YAF2: variants seen among roughly 807,000 people sequenced by gnomAD.
YAF2 encodes the protein YY1 associated factor 2.
A neutral mutation model predicts 20.1 loss-of-function variants in YAF2; 7 were observed. That is an observed-to-expected ratio of 0.35 (90% CI 0.20 to 0.65). YAF2 has a LOEUF of 0.65. Among genes scored for constraint, YAF2 ranks in the 30% least tolerant of loss-of-function variants. The probability of loss-of-function intolerance (pLI) is 0.69; values close to 1 mark genes in which losing one functional copy is unlikely to be tolerated. For synonymous variants in YAF2, 74 were observed against 76.0 expected, an observed-to-expected ratio of 0.97 and a Z score of 0.14; for missense variants, 151 against 219.2, an observed-to-expected ratio of 0.69 and a Z score of 1.96.
At chr12:42,179,996 C>T (rs1450666086) in intron 2 of YAF2, among the ~76,000 whole-genome samples, 1 of 152,036 alleles carries the variant, frequency 6.6e-6, no homozygotes, top group African/African-American at 2.4e-5. Flanking sequence ...TTTCTGCAAC[C>T]TATAATTCTG....
intron 2 of YAF2, among the ~76,000 whole-genome samples, chr12:42,195,981 G>A (rs1401339804): frequency 3.3e-5 from 5 of 152,062 alleles, no homozygotes; most frequent in African/African-American, 1.2e-4. Flanking sequence ...CAGCACTTTG[G>A]GAGGCCGAGG....
At chr12:42,227,855 GC>G (rs1166637215) in intron 2 of YAF2, among the ~76,000 whole-genome samples, 3 of 135,766 alleles carry the variant, frequency 2.2e-5, no homozygotes, top group African/African-American at 8.4e-5. Context: ...GGGGGGGTCA[GC>G]CCCCCGCCCC....
intron 2 of YAF2, among the ~76,000 whole-genome samples, chr12:42,165,625 G>A (rs1357315804): frequency 1.3e-5 from 2 of 151,396 alleles, no homozygotes; most frequent in Non-Finnish European, 2.9e-5. Context: ...CACCATGCCC[G>A]GCTAATTTTT....
chr12:42,237,541 G>T, intron 2 of YAF2, 58 bp downstream of exon 2: 1 of 1,459,940 alleles, frequency 6.8e-7, no homozygotes, highest in Non-Finnish European at 9.1e-7. Context: ...AGCCGCAAGG[G>T]CGTCCTCTGG....
chr12:42,218,079 A>G (rs1194201005), intron 2 of YAF2, among the ~76,000 whole-genome samples: 2 of 152,148 alleles, frequency 1.3e-5, no homozygotes, highest in Non-Finnish European at 2.9e-5. Context: ...TCTTAAGTCT[A>G]TATATACTGC....
intron 2 of YAF2, among the ~76,000 whole-genome samples, chr12:42,184,304 C>G (rs2066417955): frequency 1.3e-5 from 2 of 151,950 alleles, no homozygotes; most frequent in African/African-American, 4.8e-5. Flanking sequence ...ACTTTAAAGA[C>G]TTATTATTAT....
intron 2 of YAF2, among the ~76,000 whole-genome samples, chr12:42,221,780 T>C (rs188228509): frequency 2.6e-5 from 4 of 152,292 alleles, no homozygotes; most frequent in Admixed American, 2.0e-4. Context: ...CCTCCAAACT[T>C]AGCTGAAAAT....
At chr12:42,170,073 C>T (rs1257584339) in intron 2 of YAF2, among the ~76,000 whole-genome samples, 2 of 151,104 alleles carry the variant, frequency 1.3e-5, no homozygotes, top group African/African-American at 2.4e-5. Context: ...GGTCTCACAA[C>T]GTGGCCCAGG....
chr12:42,181,979 A>T (rs2066353446), intron 2 of YAF2, among the ~76,000 whole-genome samples: 1 of 152,170 alleles, frequency 6.6e-6, no homozygotes, highest in African/African-American at 2.4e-5. Context: ...TACCTAGTGT[A>T]ATCTTTTTTC....
At chr12:42,211,982 G>A (rs1424567511) in intron 2 of YAF2, among the ~76,000 whole-genome samples, 2 of 151,898 alleles carry the variant, frequency 1.3e-5, no homozygotes, top group East Asian at 1.9e-4. Flanking sequence ...CCAGAAGGCG[G>A]AGGTTGCAGT....
chr12:42,215,425 GA>G (rs927725639), intron 2 of YAF2, among the ~76,000 whole-genome samples: 3 of 151,528 alleles, frequency 2.0e-5, no homozygotes, highest in Non-Finnish European at 4.4e-5. Context: ...ATTAAAAAAA[GA>G]AAAAAAACTC....
intron 2 of YAF2, among the ~76,000 whole-genome samples, chr12:42,209,223 A>G (rs1457581775): frequency 6.6e-6 from 1 of 151,946 alleles, no homozygotes; most frequent in Non-Finnish European, 1.5e-5. Context: ...ATGAAGTTCA[A>G]GATACATTGA....
At chr12:42,196,067 C>T (rs548642652) in intron 2 of YAF2, among the ~76,000 whole-genome samples, 1 of 151,696 alleles carries the variant, frequency 6.6e-6, no homozygotes, top group Admixed American at 6.6e-5. Context: ...ACTAAAGACA[C>T]AAAAATTAGC....
At chr12:42,205,525 C>T (rs1032516173) in intron 2 of YAF2, among the ~76,000 whole-genome samples, 2 of 152,120 alleles carry the variant, frequency 1.3e-5, no homozygotes, top group African/African-American at 4.8e-5. Flanking sequence ...CAAGTGCCTG[C>T]CATCATGCCT....
At chr12:42,208,889 G>A (rs553460204) in intron 2 of YAF2, among the ~76,000 whole-genome samples, 11 of 152,308 alleles carry the variant, frequency 7.2e-5, no homozygotes, top group African/African-American at 2.6e-4. Flanking sequence ...GATAGCAGGA[G>A]GCCTCAAGTA....
chr12:42,160,630 G>A lies in YAF2; in HGVS notation c.502C>T (p.Pro168Ser). The A allele has an allele frequency of 6.2e-7, 1 of 1,613,734 alleles. No individual in the cohort carries two copies. Among genetic ancestry groups the A allele is most frequent in the Non-Finnish European group, 8.5e-7 (1 of 1,179,826 alleles). Residue 168 changes from proline (P) to serine (S), a missense_variant, in exon 4 of 4, where the codon CCC becomes TCC. This residue lies in a region of YAF2 where 51 missense variants were observed against 48.9 expected (regional missense o/e 1.04). Transcript: ENST00000534854. ...TTCAATGATGAGGCTTCTCCTCTGG[G>A]TGAAGATGACCTGGACATTCCTCTC... is the stretch of plus-strand genomic sequence containing the variant. ...TERGMSRSSS[P>S]RGEASSLNGE... is the part of the protein sequence containing the mutation.
chr12:42,181,847 T>A (rs1453019029), intron 2 of YAF2, among the ~76,000 whole-genome samples: 1 of 152,170 alleles, frequency 6.6e-6, no homozygotes. Context: ...AAAGTATGAA[T>A]GAGAAGCGTA....
At chr12:42,177,929 C>T (rs373244779) in intron 2 of YAF2, among the ~76,000 whole-genome samples, 13 of 152,266 alleles carry the variant, frequency 8.5e-5, no homozygotes, top group African/African-American at 3.1e-4. Context: ...CTTCAAAGCA[C>T]TTCTCTACCT....
intron 2 of YAF2, among the ~76,000 whole-genome samples, chr12:42,203,035 C>G (rs557528337): frequency 1.1e-4 from 16 of 150,574 alleles, no homozygotes; most frequent in South Asian, 6.3e-4. Context: ...ATTCTTGAAC[C>G]TTTAATTTTG....
Sources: gnomAD v4.1 joint callset for allele counts (sites outside exome capture counted in the v4.1 genomes callset) on GRCh38, gnomAD v4.1.1 for gene constraint, gnomAD v4.1.1 regional missense constraint, MANE v1.5 for transcripts, NCBI Gene and HGNC (gene_info 2026-07-23, HGNC 2026-07-21) for gene names.